PLD5: variants seen among roughly 807,000 people sequenced by gnomAD.
PLD5 encodes phospholipase D family member 5.
In PLD5, 36 loss-of-function variants were observed where a neutral mutation model predicts 61.1. The observed-to-expected ratio is 0.59, with a 90% CI of 0.45 to 0.78. The LOEUF is 0.78. Ranked by LOEUF, PLD5 falls within the 30% of genes least tolerant of loss-of-function variation. The pLI is 0.00. For synonymous variants in PLD5, 243 were observed against 242.8 expected (o/e 1.00, Z -0.01); for missense variants, 515 against 644.4 (o/e 0.80, Z 2.17).
At chr1:242,095,897 C>A (rs1558213633) in intron 9 of PLD5, among the ~76,000 whole-genome samples, 1 of 152,080 alleles carries the variant, frequency 6.6e-6, no homozygotes, top group Non-Finnish European at 1.5e-5. Context: ...TGAGAAAAAT[C>A]AAAATAATCA....
intron 1 of PLD5, among the ~76,000 whole-genome samples, chr1:242,510,797 A>C (rs1266582174): frequency 8.6e-5 from 13 of 151,994 alleles, no homozygotes; most frequent in Non-Finnish European, 4.4e-5. Flanking sequence ...GTGAGCCGAG[A>C]TCGCGCCACT....
At chr1:242,403,517 T>G (rs928071938) in intron 1 of PLD5, among the ~76,000 whole-genome samples, 5 of 149,436 alleles carry the variant, frequency 3.3e-5, no homozygotes, top group Admixed American at 6.8e-5. Context: ...CAGGCTGGAG[T>G]GCAATGGCAC....
At chr1:242,116,875 G>A (rs1661986380) in intron 6 of PLD5, among the ~76,000 whole-genome samples, 2 of 151,856 alleles carry the variant, frequency 1.3e-5, no homozygotes, top group South Asian at 4.2e-4. Flanking sequence ...TTTAAAGGTA[G>A]TCCTACACTC....
rs551652242 is a variant in PLD5, at chr1:242,140,087, T to A, written c.736-15422A>T. 2.6e-5 allele frequency among the ~76,000 whole-genome samples: 4 copies of A among 152,244 alleles called. No homozygotes were observed. The South Asian group carries it at 8.3e-4, about 32-fold the overall frequency. Reference sequence around the variant, plus strand: ...TCTGCATTGCAGGAAAACAACCTATTCCATGGCCAGCATGATGCCATCTTG... The same window carrying A: ...TCTGCATTGCAGGAAAACAACCTATACCATGGCCAGCATGATGCCATCTTG... On this transcript the variant is annotated intron_variant, in intron 5 of 9. Coordinates refer to ENST00000536534, the MANE Select transcript of PLD5 (RefSeq NM_001372062.1).
At chr1:242,137,129 A>G (rs957713802) in intron 5 of PLD5, among the ~76,000 whole-genome samples, 2 of 152,228 alleles carry the variant, frequency 1.3e-5, no homozygotes, top group African/African-American at 4.8e-5. Context: ...TCCAGGACAC[A>G]TAGCCCTCCT....
intron 1 of PLD5, among the ~76,000 whole-genome samples, chr1:242,440,211 A>G (rs1375339722): frequency 6.6e-6 from 1 of 152,216 alleles, no homozygotes; most frequent in Non-Finnish European, 1.5e-5. Context: ...TTTCAGATAG[A>G]TATTTCTATT....
chr1:242,352,461 C>G (rs557664133), intron 1 of PLD5, among the ~76,000 whole-genome samples: 1 of 152,256 alleles, frequency 6.6e-6, no homozygotes, highest in South Asian at 2.1e-4. Context: ...TTGATGGGCA[C>G]TTAGGTTAAT....
chr1:242,438,953 T>C (rs1266407432), intron 1 of PLD5, among the ~76,000 whole-genome samples: 1 of 133,376 alleles, frequency 7.5e-6, no homozygotes, highest in Non-Finnish European at 1.7e-5. Flanking sequence ...TTGTTACTCT[T>C]ATCACCCTGT....
intron 3 of PLD5, among the ~76,000 whole-genome samples, chr1:242,266,611 A>AT (rs1458995557): frequency 2.0e-5 from 3 of 152,108 alleles, no homozygotes; most frequent in Non-Finnish European, 4.4e-5. Context: ...GATTTTTTAG[A>AT]TTTTTTGCTG....
At chr1:242,361,947 C>T (rs1411691139) in intron 1 of PLD5, among the ~76,000 whole-genome samples, 1 of 149,050 alleles carries the variant, frequency 6.7e-6, no homozygotes, top group Admixed American at 6.7e-5. Flanking sequence ...CTACCCTGGC[C>T]AACATACTGA....
intron 4 of PLD5, among the ~76,000 whole-genome samples, chr1:242,245,420 G>C (rs1447681933): frequency 6.6e-6 from 1 of 152,188 alleles, no homozygotes; most frequent in Non-Finnish European, 1.5e-5. Flanking sequence ...TCATTCATCA[G>C]CCTCTTTGTT....
intron 4 of PLD5, among the ~76,000 whole-genome samples, chr1:242,236,554 A>C (rs1451791502): frequency 1.3e-5 from 2 of 152,258 alleles, no homozygotes; most frequent in African/African-American, 4.8e-5. Flanking sequence ...AAAACAACAA[A>C]AAAAAACTCA....
intron 1 of PLD5, among the ~76,000 whole-genome samples, chr1:242,408,639 G>A (rs1664370826): frequency 6.6e-6 from 1 of 152,178 alleles, no homozygotes; most frequent in Admixed American, 6.5e-5. Context: ...AAGCCAAGCA[G>A]ACATTGATGT....
intron 4 of PLD5, chr1:242,235,869 G>C (rs1251771191): frequency 7.1e-6 from 1 of 141,778 alleles, no homozygotes; most frequent in Non-Finnish European, 1.6e-5. Flanking sequence ...AGTGCAGAGA[G>C]TGGGGAAAAG....
intron 1 of PLD5, among the ~76,000 whole-genome samples, chr1:242,486,286 G>A (rs1268250233): frequency 1.3e-5 from 2 of 152,148 alleles, no homozygotes; most frequent in Non-Finnish European, 2.9e-5. Flanking sequence ...GAAACCTACA[G>A]AATGGGAGAA....
chr1:242,151,628 CCTTA>C (rs1664936464), intron 5 of PLD5, among the ~76,000 whole-genome samples: 2 of 151,888 alleles, frequency 1.3e-5, no homozygotes, highest in South Asian at 4.1e-4. Flanking sequence ...GTATTTGTTT[CCTTA>C]CTTGTTTGCT....
chr1:242,348,525 G>A (rs905374861), intron 1 of PLD5, among the ~76,000 whole-genome samples: 2 of 151,986 alleles, frequency 1.3e-5, no homozygotes, highest in African/African-American at 2.4e-5. Flanking sequence ...CTACTCAAAA[G>A]CAGTCCAGAA....
At chr1:242,420,938 T>G (rs979824043) in intron 1 of PLD5, among the ~76,000 whole-genome samples, 1 of 152,114 alleles carries the variant, frequency 6.6e-6, no homozygotes, top group Admixed American at 6.5e-5. Context: ...CTTTGGGATT[T>G]TGGAAGGCCG....
rs139789828 is a variant in PLD5, at chr1:242,419,459, G to T, written c.190-71217C>A. ...TGCCCAGGCTGGAGTGCAATGGTGC[G>T]ATCTCAGCTCATGGCAACCTCCACC... On this transcript the variant is annotated intron_variant, in intron 1 of 9. Coordinates refer to ENST00000536534, the MANE Select transcript of PLD5 (RefSeq NM_001372062.1). Among the ~76,000 whole-genome samples, 1,275 of 149,164 alleles carry T rather than the reference G, an allele frequency of 8.5e-3. 21 individuals are homozygous for T. Among genetic ancestry groups the T allele is most frequent in the African/African-American group, 0.029 (1,182 of 40,432 alleles).
Sources: gnomAD v4.1 joint callset for allele counts (sites outside exome capture counted in the v4.1 genomes callset) on GRCh38, gnomAD v4.1.1 for gene constraint, MANE v1.5 for transcripts, NCBI Gene and HGNC (gene_info 2026-07-23, HGNC 2026-07-21) for gene names.